Variants in CNTNAP5 observed in about 807,000 individuals in gnomAD.
CNTNAP5 encodes the protein contactin associated protein family member 5.
A neutral mutation model predicts 150.2 loss-of-function variants in CNTNAP5; 72 were observed. The observed-to-expected ratio is 0.48, with a 90% CI of 0.40 to 0.58. The LOEUF (loss-of-function observed/expected upper bound fraction) is 0.58, where lower values mean the gene tolerates loss of function less well. Among genes scored for constraint, CNTNAP5 ranks in the 20% least tolerant of loss-of-function variants. The pLI, the probability that CNTNAP5 is intolerant of heterozygous loss-of-function variation, is 0.00. For synonymous variants in CNTNAP5, 672 were observed against 619.8 expected, an observed-to-expected ratio of 1.08 and a Z score of -1.25; for missense variants, 1,636 against 1,626.2, an observed-to-expected ratio of 1.01 and a Z score of -0.10.
rs1558829032 is a variant in CNTNAP5 at position 124,271,705 on chromosome 2, T to TATCTATC, written c.381+29313_381+29319dup. On this transcript the variant is annotated intron_variant, in intron 3 of 23. Transcript: ENST00000682447. ...TCTATCTATCTATCTATCTATCATC[T>TATCTATC]ATCTATCTATCTATCTATCTATTTA... 8.6e-3 allele frequency among the ~76,000 whole-genome samples: 231 copies of TATCTATC among 26,720 alleles called. 1 individual carries two copies. The highest frequency in any genetic ancestry group is 0.023 in the Middle Eastern group (1 of 44). 17.5% of individuals were successfully genotyped at this position (26,720 alleles called of 152,430 possible). A position where few individuals can be genotyped will look rare whatever the true frequency, so the allele number is the denominator to read the frequency against.
At chr2:124,380,027 C>T (rs1040167018) in intron 3 of CNTNAP5, among the ~76,000 whole-genome samples, 4 of 152,202 alleles carry the variant, frequency 2.6e-5, no homozygotes, top group South Asian at 2.1e-4. Context: ...AAAAATGATT[C>T]TCTGTGATTC....
chr2:124,294,780 A>G (rs1391396071), intron 3 of CNTNAP5, among the ~76,000 whole-genome samples: 1 of 152,230 alleles, frequency 6.6e-6, no homozygotes, highest in Non-Finnish European at 1.5e-5. Context: ...AGTACATGCC[A>G]CATATATTAC....
chr2:124,902,982 T>A lies in CNTNAP5; in HGVS notation c.3537T>A (p.Ala1179=). Residue 1179 remains alanine, a synonymous_variant, in exon 22 of 24, where the codon GCT becomes GCA. Coordinates refer to ENST00000682447, the MANE Select transcript of CNTNAP5 (RefSeq NM_001367498.1). The part of the protein sequence containing the change: ...VQYNHIAPLK[A]ALRHATVAPV... ...ACAACCACATAGCACCACTGAAGGC[T>A]GCCCTGCGCCATGCCACTGTCGCGC... The A allele has an allele frequency of 6.2e-7, 1 of 1,612,990 alleles. No individual in the cohort carries two copies. The highest frequency in any genetic ancestry group is 8.5e-7 in the Non-Finnish European group (1 of 1,179,456).
At chr2:124,578,353 C>T (rs1301135049) in intron 11 of CNTNAP5, among the ~76,000 whole-genome samples, 1 of 149,578 alleles carries the variant, frequency 6.7e-6, no homozygotes, top group African/African-American at 2.5e-5. Flanking sequence ...AAAAAAGATG[C>T]TGAACATGTG....
chr2:124,914,912 G>C lies in CNTNAP5; in HGVS notation c.*624G>C, dbSNP rs1336568695. ...TTCAAATATATGATTGCTGATAGTA[G>C]TGACCAAAACTACTTTGTTCCTTTC... On this transcript the variant is annotated 3_prime_UTR_variant, in exon 24 of 24. Transcript: ENST00000682447. 1.3e-5 allele frequency: 2 copies of C among 151,888 alleles called. No individual in the cohort carries two copies. The highest frequency in any genetic ancestry group is 1.3e-4 in the Admixed American group (2 of 15,216). The allele number at this position is 151,888 out of a possible 1,614,324, so 9.4% of individuals were successfully genotyped here. A position where few individuals can be genotyped will look rare whatever the true frequency, so the allele number is the denominator to read the frequency against.
intron 10 of CNTNAP5, among the ~76,000 whole-genome samples, chr2:124,529,419 T>C (rs1695055336): frequency 6.6e-6 from 1 of 152,184 alleles, no homozygotes; most frequent in African/African-American, 2.4e-5. Context: ...TTACATACAA[T>C]TGTGCTTTCA....
intron 1 of CNTNAP5, among the ~76,000 whole-genome samples, chr2:124,085,183 G>A (rs1347354804): frequency 6.6e-6 from 1 of 152,104 alleles, no homozygotes; most frequent in Non-Finnish European, 1.5e-5. Context: ...GCCTCTCAAA[G>A]TGCTGGGATT....
At chr2:124,657,297 A>G (rs920859542) in intron 13 of CNTNAP5, among the ~76,000 whole-genome samples, 2 of 152,142 alleles carry the variant, frequency 1.3e-5, no homozygotes, top group Non-Finnish European at 2.9e-5. Flanking sequence ...CATTTCTGCC[A>G]AATACCCAAA....
intron 11 of CNTNAP5, among the ~76,000 whole-genome samples, chr2:124,570,484 G>A (rs1696126660): frequency 6.6e-6 from 1 of 152,150 alleles, no homozygotes; most frequent in Admixed American, 6.5e-5. Context: ...AATGCAGCCA[G>A]GGTAGAAAAG....
intron 1 of CNTNAP5, among the ~76,000 whole-genome samples, chr2:124,049,918 G>A (rs1031935446): frequency 7.9e-5 from 12 of 152,122 alleles, no homozygotes; most frequent in East Asian, 1.9e-4. Context: ...ACATGGTGGA[G>A]GGAGCGAGAA....
chr2:124,033,240 A>G (rs1681113267), intron 1 of CNTNAP5, among the ~76,000 whole-genome samples: 1 of 152,242 alleles, frequency 6.6e-6, no homozygotes, highest in Non-Finnish European at 1.5e-5. Flanking sequence ...AGATAGAAAG[A>G]AAGTGAAGGG....
chr2:124,777,932 A>G (rs1312982753), intron 17 of CNTNAP5, among the ~76,000 whole-genome samples: 3 of 152,120 alleles, frequency 2.0e-5, no homozygotes, highest in Admixed American at 6.6e-5. Context: ...ACTCAAAGTT[A>G]GAAGCAGTAA....
chr2:124,333,361 A>C (rs868846715), intron 3 of CNTNAP5, among the ~76,000 whole-genome samples: 8 of 152,184 alleles, frequency 5.3e-5, no homozygotes, highest in Middle Eastern at 3.2e-3. Flanking sequence ...TAAATGGAGC[A>C]AGTTAAAGAC....
intron 9 of CNTNAP5, among the ~76,000 whole-genome samples, chr2:124,525,348 G>T (rs1201443110): frequency 6.6e-6 from 1 of 152,184 alleles, no homozygotes; most frequent in Non-Finnish European, 1.5e-5. Context: ...TTCTGGAAAA[G>T]TTAAGTACGA....
intron 12 of CNTNAP5, among the ~76,000 whole-genome samples, chr2:124,644,345 C>A (rs543057741): frequency 9.3e-4 from 142 of 152,256 alleles, no homozygotes; most frequent in Non-Finnish European, 1.8e-3. Context: ...TAAATCTACA[C>A]AACCACCAAT....
intron 19 of CNTNAP5, among the ~76,000 whole-genome samples, chr2:124,811,765 A>C (rs999699227): frequency 2.7e-5 from 4 of 148,814 alleles, no homozygotes; most frequent in Non-Finnish European, 5.9e-5. Flanking sequence ...ACATGGAAAA[A>C]CCCCATCTGT....
intron 19 of CNTNAP5, among the ~76,000 whole-genome samples, chr2:124,855,181 T>G (rs1205058000): frequency 5.0e-4 from 46 of 91,898 alleles, no homozygotes; most frequent in African/African-American, 2.6e-3. Flanking sequence ...TTTTTTTTTT[T>G]TTTTTTTTTT....
intron 17 of CNTNAP5, among the ~76,000 whole-genome samples, chr2:124,774,360 C>T (rs993403558): frequency 6.6e-6 from 1 of 152,102 alleles, no homozygotes; most frequent in Admixed American, 6.6e-5. Flanking sequence ...ACTAAAATCA[C>T]ACCAGCTAAA....
At chr2:124,770,176 G>A (rs547684737) in intron 16 of CNTNAP5, among the ~76,000 whole-genome samples, 1 of 152,308 alleles carries the variant, frequency 6.6e-6, no homozygotes, top group East Asian at 1.9e-4. Context: ...TATGTGCAGT[G>A]TAATGATGTT....
Sources: gnomAD v4.1 joint callset for allele counts (sites outside exome capture counted in the v4.1 genomes callset) on GRCh38, gnomAD v4.1.1 for gene constraint, MANE v1.5 for transcripts, NCBI Gene and HGNC (gene_info 2026-07-23, HGNC 2026-07-21) for gene names.